ZFHX4: variants seen among roughly 807,000 people sequenced by gnomAD.
ZFHX4 encodes zinc finger homeobox protein 4.
ZFHX4 carries 56 observed loss-of-function variants against 267.6 expected under a neutral mutation model. The observed-to-expected ratio is 0.21, with a 90% confidence interval of 0.17 to 0.26. The LOEUF (loss-of-function observed/expected upper bound fraction) is 0.26. Among genes scored for constraint, ZFHX4 ranks in the 10% least tolerant of loss-of-function variants. The pLI is 1.00. For missense variants in ZFHX4, 4,332 were observed against 4,420.0 expected (o/e 0.98, Z 0.56); for synonymous variants, 1,778 against 1,665.6 (o/e 1.07, Z -1.64).
At chr8:76,844,383 T>A (rs1175052402) in intron 6 of ZFHX4, among the ~76,000 whole-genome samples, 1 of 152,122 alleles carries the variant, frequency 6.6e-6, no homozygotes, top group Non-Finnish European at 1.5e-5. Flanking sequence ...GCCCATGTAA[T>A]CCCGAGGTAT....
chr8:76,764,423 A>G (rs978698286), intron 3 of ZFHX4, among the ~76,000 whole-genome samples: 2 of 152,142 alleles, frequency 1.3e-5, no homozygotes, highest in Non-Finnish European at 2.9e-5. Context: ...GAAATTATAG[A>G]GAGATCATTT....
chr8:76,712,509 A>G (rs1171313643), intron 3 of ZFHX4, among the ~76,000 whole-genome samples: 2 of 152,090 alleles, frequency 1.3e-5, no homozygotes, highest in Non-Finnish European at 2.9e-5. Context: ...CAAATATACG[A>G]GATATGTACC....
At position 76,866,657 on chromosome 8, in the gene ZFHX4, T is replaced by C. The variant is rs1813040470; in HGVS notation, c.*2092T>C. On this transcript the variant is annotated 3_prime_UTR_variant, in exon 11 of 11. Coordinates refer to ENST00000651372, the MANE Select transcript of ZFHX4 (RefSeq NM_024721.5). ...AAGCAGCAGCATTGTGAGATCGATC[T>C]GTCCTGGCAGTTAACACGATGTGCA... is the stretch of plus-strand genomic sequence containing the variant. 6.6e-6 allele frequency: 1 copy of C among 152,578 alleles called. No homozygotes were observed. The highest frequency in any genetic ancestry group is 2.1e-4 in the South Asian group (1 of 4,834). The allele number at this position is 152,578 out of a possible 1,614,324, so 9.5% of individuals were successfully genotyped here.
chr8:76,751,140 G>C (rs765349825), intron 3 of ZFHX4, among the ~76,000 whole-genome samples: 3 of 152,090 alleles, frequency 2.0e-5, no homozygotes, highest in Non-Finnish European at 4.4e-5. Context: ...CAATTCTTCT[G>C]ACTCACATGG....
chr8:76,854,187 T>A lies in ZFHX4; in HGVS notation c.7266T>A (p.Ser2422=). 5 of 1,573,628 alleles carry A rather than the reference T, an allele frequency of 3.2e-6. No individual in the cohort carries two copies. Among genetic ancestry groups the A allele is most frequent in the Non-Finnish European group, 4.3e-6 (5 of 1,159,744 alleles). Residue 2422 remains serine (S), a synonymous_variant, in exon 10 of 11, where the codon TCT becomes TCA. Coordinates refer to ENST00000651372, the MANE Select transcript of ZFHX4 (RefSeq NM_024721.5). ...KPKQSDPSPP[S]QGTKPALPLA... is the part of the protein sequence containing the mutation. Reference sequence around the variant, plus strand: ...AGCAGAGTGACCCCTCTCCCCCTTCTCAAGGCACCAAACCAGCCCTGCCAT... The same window carrying A: ...AGCAGAGTGACCCCTCTCCCCCTTCACAAGGCACCAAACCAGCCCTGCCAT...
intron 4 of ZFHX4, among the ~76,000 whole-genome samples, chr8:76,832,126 C>A (rs1023547651): frequency 3.9e-5 from 6 of 151,986 alleles, no homozygotes; most frequent in Non-Finnish European, 8.8e-5. Context: ...CCTTGGTATG[C>A]ACTTCTATTT....
chr8:76,854,074 T>A lies in ZFHX4; in HGVS notation c.7153T>A (p.Ser2385Thr). The change falls in exon 10 of 11, where the codon TCT becomes ACT. Residue 2385 changes from serine to threonine, a missense_variant. Around this residue, in one of 7 missense-constraint regions of ZFHX4, gnomAD observed 1,648 missense variants for 1,625.0 expected, o/e 1.01. Transcript: ENST00000651372. Reference sequence around the variant, plus strand: ...TGCTGCCCCTGCAGCAAGTTCTGGCTCTGGGACCAGCACCCCCCTGATTCC... The same window carrying A: ...TGCTGCCCCTGCAGCAAGTTCTGGCACTGGGACCAGCACCCCCCTGATTCC... Reference protein sequence around the residue: ...NAAAPAASSGSGTSTPLIPSP... With the variant: ...NAAAPAASSGTGTSTPLIPSP... 1 of 1,613,932 alleles carries A rather than the reference T, an allele frequency of 6.2e-7. No individual in the cohort carries two copies. Among genetic ancestry groups the A allele is most frequent in the South Asian group, 1.1e-5 (1 of 91,086 alleles).
At chr8:76,824,965 A>C (rs1308781940) in intron 4 of ZFHX4, among the ~76,000 whole-genome samples, 2 of 152,218 alleles carry the variant, frequency 1.3e-5, no homozygotes, top group Non-Finnish European at 2.9e-5. Context: ...TTTACTTAAA[A>C]AAATAACTTT....
At chr8:76,748,306 C>A (rs1162473259) in intron 3 of ZFHX4, among the ~76,000 whole-genome samples, 1 of 152,212 alleles carries the variant, frequency 6.6e-6, no homozygotes, top group South Asian at 2.1e-4. Context: ...AGAACATCTT[C>A]TCTCCGATTT....
chr8:76,742,353 G>A (rs955410216), intron 3 of ZFHX4, among the ~76,000 whole-genome samples: 1 of 151,996 alleles, frequency 6.6e-6, no homozygotes, highest in Admixed American at 6.6e-5. Flanking sequence ...CGGCAATATC[G>A]ATCTTGCTTC....
At chr8:76,847,594 T>C (rs1042569392) in intron 6 of ZFHX4, among the ~76,000 whole-genome samples, 2 of 152,080 alleles carry the variant, frequency 1.3e-5, no homozygotes, top group Admixed American at 1.3e-4. Context: ...AAAATTATTG[T>C]CATGATGTAA....
chr8:76,833,550 A>T, intron 5 of ZFHX4, 144 bp downstream of exon 5: 1 of 601,380 alleles, frequency 1.7e-6, no homozygotes. Context: ...GTAAAAAGCA[A>T]AATGAAATAA....
chr8:76,741,193 G>A (rs1809306451), intron 3 of ZFHX4, among the ~76,000 whole-genome samples: 1 of 152,140 alleles, frequency 6.6e-6, no homozygotes, highest in Non-Finnish European at 1.5e-5. Flanking sequence ...CAGAATATCT[G>A]GAGACTAGGA....
intron 4 of ZFHX4, among the ~76,000 whole-genome samples, chr8:76,805,115 A>G (rs1362774294): frequency 6.6e-6 from 1 of 152,112 alleles, no homozygotes; most frequent in Non-Finnish European, 1.5e-5. Flanking sequence ...AGGGTAAGAA[A>G]GTAGTCCTCA....
intron 3 of ZFHX4, among the ~76,000 whole-genome samples, chr8:76,768,639 A>T (rs1810152604): frequency 1.3e-5 from 2 of 152,178 alleles, no homozygotes; most frequent in African/African-American, 4.8e-5. Context: ...CAGATGCAGG[A>T]CTAAAAGGAC....
chr8:76,790,327 A>C (rs2131803951), intron 4 of ZFHX4, among the ~76,000 whole-genome samples: 1 of 152,268 alleles, frequency 6.6e-6, no homozygotes, highest in Admixed American at 6.5e-5. Flanking sequence ...TAGGAAACTT[A>C]GGCACAGATA....
intron 4 of ZFHX4, among the ~76,000 whole-genome samples, chr8:76,822,064 CT>C (rs1446054953): frequency 6.6e-6 from 1 of 151,996 alleles, no homozygotes; most frequent in African/African-American, 2.4e-5. Context: ...TACTTGACAC[CT>C]TTACTTGCCT....
intron 3 of ZFHX4, among the ~76,000 whole-genome samples, chr8:76,770,495 A>T (rs1171610293): frequency 6.6e-6 from 1 of 152,070 alleles, no homozygotes; most frequent in Non-Finnish European, 1.5e-5. Context: ...TCCTAACCAC[A>T]TTTATTGAGC....
chr8:76,765,871 A>G (rs1176040043), intron 3 of ZFHX4, among the ~76,000 whole-genome samples: 1 of 152,130 alleles, frequency 6.6e-6, no homozygotes, highest in Non-Finnish European at 1.5e-5. Context: ...TAGATGTTTC[A>G]TTCAAGACCA....
Sources: gnomAD v4.1 joint callset for allele counts (sites outside exome capture counted in the v4.1 genomes callset) on GRCh38, gnomAD v4.1.1 for gene constraint, gnomAD v4.1.1 regional missense constraint, MANE v1.5 for transcripts, NCBI Gene and HGNC (gene_info 2026-07-23, HGNC 2026-07-21) for gene names.